NUP37: variants seen among roughly 807,000 people sequenced by gnomAD.
The protein encoded by NUP37 is nucleoporin 37.
In NUP37, 33 loss-of-function variants were observed where a neutral mutation model predicts 45.4. The observed-to-expected ratio is 0.73, with a 90% CI of 0.55 to 0.97. The LOEUF is 0.97. Ranked by LOEUF, NUP37 falls within the 50% of genes least tolerant of loss-of-function variation. The pLI, the probability that NUP37 is intolerant of heterozygous loss-of-function variation, is 0.00. For missense variants in NUP37, 365 were observed against 389.7 expected (o/e 0.94, Z 0.53); for synonymous variants, 127 against 130.7 (o/e 0.97, Z 0.19).
At chr12:102,076,699 A>G (rs142783955) in intron 8 of NUP37, 98 bp downstream of exon 8, 1 of 958,084 alleles carries the variant, frequency 1.0e-6, no homozygotes, top group African/African-American at 1.7e-5. Context: ...AGGGAAAAAA[A>G]AAATCCAGTG....
intron 5 of NUP37, among the ~76,000 whole-genome samples, chr12:102,097,759 C>A (rs1451684650): frequency 6.6e-6 from 1 of 152,008 alleles, no homozygotes; most frequent in Non-Finnish European, 1.5e-5. Flanking sequence ...TTCCAGTGAC[C>A]GAATTTTTAC....
chr12:102,104,728 G>A (rs551258267), intron 3 of NUP37, among the ~76,000 whole-genome samples: 2 of 152,210 alleles, frequency 1.3e-5, no homozygotes, highest in South Asian at 4.1e-4. Context: ...GTGTAGCCTT[G>A]GAACCTTTGT....
intron 3 of NUP37, among the ~76,000 whole-genome samples, chr12:102,105,252 C>CACAAG (rs1466195107): frequency 2.6e-5 from 4 of 152,042 alleles, no homozygotes; most frequent in African/African-American, 9.7e-5. Flanking sequence ...TGGCCGGGTG[C>CACAAG]AATGGCTCAT....
intron 9 of NUP37, 42 bp from the exon 10 acceptor site, chr12:102,074,509 C>A (rs2136708812): frequency 1.8e-6 from 2 of 1,109,600 alleles, no homozygotes; most frequent in South Asian, 1.4e-5. Flanking sequence ...AGTAAGTCCC[C>A]AAAATTAATA....
At chr12:102,091,928 A>G (rs1030390580) in intron 5 of NUP37, among the ~76,000 whole-genome samples, 11 of 152,192 alleles carry the variant, frequency 7.2e-5, no homozygotes, top group African/African-American at 2.7e-4. Context: ...AGTGCTTTTC[A>G]GCAGAACATT....
chr12:102,094,736 C>A (rs1192041623), intron 5 of NUP37, among the ~76,000 whole-genome samples: 1 of 151,952 alleles, frequency 6.6e-6, no homozygotes, highest in Non-Finnish European at 1.5e-5. Flanking sequence ...ATTCTAATAT[C>A]TTATTCTTTA....
rs1027041679 is a variant in NUP37, at chr12:102,112,100, A to G, written c.281+8T>C. 6.2e-7 allele frequency: 1 copy of G among 1,613,042 alleles called. No homozygotes were observed. The highest frequency in any genetic ancestry group is 1.3e-5 in the African/African-American group (1 of 74,904). ...AGTAAGGAATGCATTTGGTACTGTT[A>G]AACTTACTTGATTACTGGAGGCAAT... On this transcript the variant is annotated splice_region_variant and intron_variant, in intron 3 of 9. Coordinates refer to ENST00000552283, the MANE Select transcript of NUP37 (RefSeq NM_024057.4).
At chr12:102,090,764 C>T (rs1879625571) in intron 5 of NUP37, among the ~76,000 whole-genome samples, 2 of 151,970 alleles carry the variant, frequency 1.3e-5, no homozygotes. Context: ...AAAGTGGTCC[C>T]AAGCCAATCA....
chr12:102,101,810 C>T (rs1317802776), intron 3 of NUP37, among the ~76,000 whole-genome samples: 3 of 152,074 alleles, frequency 2.0e-5, no homozygotes, highest in African/African-American at 4.8e-5. Context: ...CTGCAGCCTC[C>T]ACCTCCCAGG....
intron 3 of NUP37, among the ~76,000 whole-genome samples, chr12:102,103,842 T>C (rs1355572161): frequency 6.6e-6 from 1 of 152,042 alleles, no homozygotes; most frequent in East Asian, 1.9e-4. Flanking sequence ...CTCAACAAAT[T>C]AGGTATAGAC....
At chr12:102,104,639 T>C (rs1029341404) in intron 3 of NUP37, among the ~76,000 whole-genome samples, 2 of 152,328 alleles carry the variant, frequency 1.3e-5, no homozygotes, top group East Asian at 3.9e-4. Context: ...CTCATTTGTG[T>C]AAAGTCCAAT....
intron 8 of NUP37, among the ~76,000 whole-genome samples, chr12:102,076,322 A>T (rs994716818): frequency 6.6e-6 from 1 of 152,234 alleles, no homozygotes; most frequent in African/African-American, 2.4e-5. Flanking sequence ...AAAAAGCAGA[A>T]ATAATGGCTT....
intron 5 of NUP37, among the ~76,000 whole-genome samples, chr12:102,091,842 C>T (rs1879666123): frequency 6.6e-6 from 1 of 152,176 alleles, no homozygotes; most frequent in South Asian, 2.1e-4. Flanking sequence ...GAGAGCTATT[C>T]AGATCTAAGA....
At chr12:102,078,559 G>C (rs1487494205) in intron 6 of NUP37, among the ~76,000 whole-genome samples, 1 of 152,328 alleles carries the variant, frequency 6.6e-6, no homozygotes, top group Non-Finnish European at 1.5e-5. Context: ...AGGCAGGGCA[G>C]CATAGTTAAA....
intron 3 of NUP37, among the ~76,000 whole-genome samples, chr12:102,110,787 G>C (rs1880293058): frequency 6.6e-6 from 1 of 152,216 alleles, no homozygotes; most frequent in African/African-American, 2.4e-5. Flanking sequence ...AGAGATTGCA[G>C]TGAGTGGAGA....
At chr12:102,074,796 C>T (rs1320896842) in intron 9 of NUP37, 1 of 446,976 alleles carries the variant, frequency 2.2e-6, no homozygotes, top group Non-Finnish European at 3.9e-6. Flanking sequence ...CCAAAAAAAC[C>T]TGTTGTCACT....
At chr12:102,099,515 T>C (rs892742123) in intron 4 of NUP37, among the ~76,000 whole-genome samples, 28 of 152,104 alleles carry the variant, frequency 1.8e-4, no homozygotes, top group Non-Finnish European at 3.1e-4. Flanking sequence ...TTCTCACTTA[T>C]TATATAAAGC....
intron 5 of NUP37, among the ~76,000 whole-genome samples, chr12:102,097,567 CA>C (rs1179534268): frequency 9.1e-6 from 1 of 109,604 alleles, no homozygotes; most frequent in Non-Finnish European, 2.3e-5. Flanking sequence ...CATAAGAAAA[CA>C]AACAAACAAA....
chr12:102,088,850 T>G (rs1455504070), intron 5 of NUP37, among the ~76,000 whole-genome samples: 3 of 151,944 alleles, frequency 2.0e-5, no homozygotes, highest in Non-Finnish European at 4.4e-5. Flanking sequence ...TAGGCAGAGG[T>G]CCCTGCGGCC....
Sources: allele counts gnomAD v4.1 joint callset (sites outside exome capture counted in the v4.1 genomes callset), GRCh38; gene constraint gnomAD v4.1.1; transcripts MANE v1.5; gene names NCBI Gene and HGNC (gene_info 2026-07-23, HGNC 2026-07-21).